GALNT13: variants seen among roughly 807,000 people sequenced by gnomAD.
GALNT13 encodes the protein polypeptide N-acetylgalactosaminyltransferase 13, also known as UDP-GalNAc:polypeptide N-acetylgalactosaminyltransferase 13.
Under a neutral mutation model 64.2 loss-of-function variants are expected in GALNT13, and 28 were observed. The observed-to-expected ratio is 0.44, with a 90% confidence interval of 0.32 to 0.60. The LOEUF (loss-of-function observed/expected upper bound fraction) is 0.60. Ranked by LOEUF, GALNT13 falls within the 20% of genes least tolerant of loss-of-function variation. GALNT13 has a pLI of 0.05. For synonymous variants in GALNT13, 214 were observed against 224.6 expected (o/e 0.95, Z 0.42); for missense variants, 577 against 669.8 (o/e 0.86, Z 1.53).
At chr2:154,408,956 T>C (rs1559139164) in intron 10 of GALNT13, 28 bp from the exon 11 acceptor site, 2 of 1,349,342 alleles carry the variant, frequency 1.5e-6, no homozygotes, top group Non-Finnish European at 2.1e-6. Context: ...TTATGTTTTA[T>C]CCCCCCCCTT....
chr2:153,594,199 T>C, the GALNT13 span, among the ~76,000 whole-genome samples: 1 of 152,182 alleles, frequency 6.6e-6, no homozygotes, highest in Admixed American at 6.5e-5. Flanking sequence ...CTCTCTTATA[T>C]ACACAGCTGC....
chr2:153,430,978 C>T, the GALNT13 span, among the ~76,000 whole-genome samples: 1 of 151,584 alleles, frequency 6.6e-6, no homozygotes, highest in Non-Finnish European at 1.5e-5. Flanking sequence ...GGTGAAACCC[C>T]GTCTCTACTA....
the GALNT13 span, among the ~76,000 whole-genome samples, chr2:153,228,389 T>A: frequency 6.6e-6 from 1 of 152,222 alleles, no homozygotes; most frequent in African/African-American, 2.4e-5. Flanking sequence ...TAATTTTTTT[T>A]GGCACCTTAA....
the GALNT13 span, among the ~76,000 whole-genome samples, chr2:153,765,348 G>A: frequency 2.0e-5 from 3 of 152,218 alleles, no homozygotes; most frequent in South Asian, 2.1e-4. Context: ...TGACCTGGAT[G>A]TGAGACATAG....
chr2:154,141,198 A>T (rs1683237120), intron 4 of GALNT13, among the ~76,000 whole-genome samples: 1 of 152,140 alleles, frequency 6.6e-6, no homozygotes, highest in Non-Finnish European at 1.5e-5. Flanking sequence ...AGTGAATGTG[A>T]AGGCTTAGGG....
the GALNT13 span, among the ~76,000 whole-genome samples, chr2:153,381,047 C>T: frequency 6.6e-6 from 1 of 151,838 alleles, no homozygotes; most frequent in Admixed American, 6.6e-5. Context: ...GTTATTCTCC[C>T]ATTATATATC....
At chr2:153,084,056 G>C in the GALNT13 span, among the ~76,000 whole-genome samples, 15 of 152,052 alleles carry the variant, frequency 9.9e-5, no homozygotes, top group Non-Finnish European at 2.2e-4. Context: ...TAAGAATTTG[G>C]CTTTATTTCT....
At chr2:154,030,699 G>A (rs2139274) in intron 3 of GALNT13, among the ~76,000 whole-genome samples, 116,305 of 152,012 alleles carry the variant, frequency 0.77, 44,882 homozygotes, top group East Asian at 0.96. Context: ...TTCTCATGAT[G>A]GTGAGTGAGT....
the GALNT13 span, among the ~76,000 whole-genome samples, chr2:153,859,165 C>T: frequency 1.3e-5 from 2 of 152,106 alleles, no homozygotes; most frequent in Admixed American, 1.3e-4. Flanking sequence ...AAATGATGGC[C>T]TCTTGGTCCG....
the GALNT13 span, among the ~76,000 whole-genome samples, chr2:153,853,252 G>A: frequency 6.6e-6 from 1 of 151,984 alleles, no homozygotes; most frequent in African/African-American, 2.4e-5. Context: ...CCCAGATTGG[G>A]GGTGGGTCTG....
chr2:153,233,652 G>A, the GALNT13 span, among the ~76,000 whole-genome samples: 2 of 152,006 alleles, frequency 1.3e-5, no homozygotes, highest in African/African-American at 4.8e-5. Flanking sequence ...TAAAAAGAAC[G>A]CAGTCAGACT....
the GALNT13 span, among the ~76,000 whole-genome samples, chr2:153,501,765 A>C: frequency 6.6e-6 from 1 of 152,230 alleles, no homozygotes; most frequent in Non-Finnish European, 1.5e-5. Flanking sequence ...ACTTTTTTTA[A>C]GAAAAACAAG....
chr2:153,269,362 A>AC, the GALNT13 span, among the ~76,000 whole-genome samples: 2 of 152,162 alleles, frequency 1.3e-5, no homozygotes, highest in Non-Finnish European at 2.9e-5. Context: ...GTGAAATGCC[A>AC]CCAGTCTCTT....
intron 12 of GALNT13, chr2:154,446,394 G>GCTTT: frequency 4.2e-6 from 2 of 474,106 alleles, no homozygotes; most frequent in Non-Finnish European, 7.2e-6. Flanking sequence ...TTCCTTATAG[G>GCTTT]GTTGATATTA....
chr2:153,402,189 C>T, the GALNT13 span, among the ~76,000 whole-genome samples: 1 of 148,924 alleles, frequency 6.7e-6, no homozygotes, highest in Non-Finnish European at 1.5e-5. Flanking sequence ...ACTTATGAAG[C>T]TTAGTTTGGC....
chr2:153,819,946 A>ATTGG, the GALNT13 span, among the ~76,000 whole-genome samples: 1 of 152,222 alleles, frequency 6.6e-6, no homozygotes, highest in Non-Finnish European at 1.5e-5. Context: ...TACAGAATTC[A>ATTGG]AAGCATGGAT....
At chr2:153,534,349 GT>G in the GALNT13 span, among the ~76,000 whole-genome samples, 2 of 151,778 alleles carry the variant, frequency 1.3e-5, no homozygotes, top group East Asian at 1.9e-4. Context: ...TTAGGTCTCA[GT>G]TTTTTTTCAT....
At chr2:154,387,571 A>G (rs901300569) in intron 9 of GALNT13, among the ~76,000 whole-genome samples, 1 of 152,014 alleles carries the variant, frequency 6.6e-6, no homozygotes, top group African/African-American at 2.4e-5. Flanking sequence ...ATAACTCCTC[A>G]TTCCTCCCTC....
intron 9 of GALNT13, among the ~76,000 whole-genome samples, chr2:154,359,488 A>C (rs139060809): frequency 6.6e-6 from 1 of 152,068 alleles, no homozygotes; most frequent in African/African-American, 2.4e-5. Context: ...GAGGCTTCCT[A>C]GAATTGAAAG....
Sources: allele counts gnomAD v4.1 joint callset (sites outside exome capture counted in the v4.1 genomes callset), GRCh38; gene constraint gnomAD v4.1.1; transcripts MANE v1.5; gene names NCBI Gene and HGNC (gene_info 2026-07-23, HGNC 2026-07-21).